The following XKR7 variants were observed in gnomAD, a reference collection of about 807,000 sequenced individuals.
XKR7 encodes XK-related protein 7.
A neutral mutation model predicts 42.2 loss-of-function variants in XKR7; 11 were observed. The ratio of observed to expected loss-of-function variants is 0.26; its 90% CI spans 0.16 to 0.43. The LOEUF is 0.43. Among genes scored for constraint, XKR7 ranks in the 20% least tolerant of loss-of-function variants. The probability of loss-of-function intolerance (pLI) is 1.00; values close to 1 mark genes in which losing one functional copy is unlikely to be tolerated. For synonymous variants in XKR7, 346 were observed against 366.4 expected (o/e 0.94, Z 0.64); for missense variants, 710 against 802.2 (o/e 0.89, Z 1.39).
chr20:31,977,827 G>C (rs976890772), intron 1 of XKR7, among the ~76,000 whole-genome samples: 2 of 152,192 alleles, frequency 1.3e-5, no homozygotes, highest in African/African-American at 4.8e-5. Context: ...CTGTTCCCGA[G>C]GGTGTGAACT....
At position 31,996,588 on chromosome 20, in the gene XKR7, A is replaced by C. The variant is rs1326343949; in HGVS notation, c.871A>C (p.Lys291Gln). The change falls in exon 3 of 3, where the codon AAG becomes CAG. Residue 291 changes from lysine (K) to glutamine (Q), a missense_variant. Lys to Gln is a moderately conservative substitution (Grantham distance 53). Around this residue, in one of 2 missense-constraint regions of XKR7, gnomAD observed 708 missense variants for 786.2 expected, o/e 0.90. Coordinates refer to ENST00000562532, the MANE Select transcript of XKR7 (RefSeq NM_001011718.2). The part of the protein sequence containing the change: ...QKVLRDSRDD[K>Q]RPLSYKGAVA... ...GGTGCTGCGGGACTCGCGGGACGAC[A>C]AGCGGCCGCTGTCCTACAAGGGCGC... is the stretch of plus-strand genomic sequence containing the variant. 1.3e-6 allele frequency: 2 copies of C among 1,545,506 alleles called. No homozygotes were observed. Among genetic ancestry groups the C allele is most frequent in the Admixed American group, 2.0e-5 (1 of 49,152 alleles).
chr20:31,997,514 T>G lies in XKR7; in HGVS notation c.*57T>G. The stretch of plus-strand genomic sequence containing the variant: ...TTGGCTGATCCCACATCCGCCGCAG[T>G]GTTGTGCCCCGAATTTCAGGGCCAC... On this transcript the variant is annotated 3_prime_UTR_variant, in exon 3 of 3. Transcript: ENST00000562532. The G allele has an allele frequency of 4.0e-6, 6 of 1,481,896 alleles. No homozygotes were observed. Among genetic ancestry groups the G allele is most frequent in the Non-Finnish European group, 5.4e-6 (6 of 1,107,174 alleles). The allele number at this position is 1,481,896 out of a possible 1,614,324, so 91.8% of individuals were successfully genotyped here.
Position 31,997,349 on chromosome 20 carries a change from C to T in XKR7, c.1632C>T (p.Leu544=). The T allele has an allele frequency of 6.2e-7, 1 of 1,605,764 alleles. No individual in the cohort carries two copies. The highest frequency in any genetic ancestry group is 8.5e-7 in the Non-Finnish European group (1 of 1,179,974). Residue 544 remains leucine (L), a synonymous_variant, in exon 3 of 3, where the codon CTC becomes CTT. Transcript: ENST00000562532. ...ATGCTCATTTTATTGACCGCCGGCT[C>T]CGGAAGACCATCCTGGCACTGGAGT... ...AWDAHFIDRR[L]RKTILALEYS...
At chr20:31,980,777 C>A (rs1172457066) in intron 1 of XKR7, among the ~76,000 whole-genome samples, 2 of 152,056 alleles carry the variant, frequency 1.3e-5, no homozygotes, top group Non-Finnish European at 2.9e-5. Flanking sequence ...AAGATAAAGA[C>A]CAGGCCGGGC....
At chr20:31,976,972 A>C (rs2064488171) in intron 1 of XKR7, among the ~76,000 whole-genome samples, 1 of 152,144 alleles carries the variant, frequency 6.6e-6, no homozygotes, top group Non-Finnish European at 1.5e-5. Flanking sequence ...AGCTCTAGTG[A>C]GGTCTATGGT....
chr20:31,975,329 C>T (rs2064480327), intron 1 of XKR7, among the ~76,000 whole-genome samples: 1 of 151,824 alleles, frequency 6.6e-6, no homozygotes, highest in Non-Finnish European at 1.5e-5. Flanking sequence ...GCCCTTTGCC[C>T]CCTGATCTTT....
chr20:31,996,467 CTAACCCAGCCCA>C, intron 2 of XKR7, 26 bp from the exon 3 acceptor site: 3 of 437,062 alleles, frequency 6.9e-6, no homozygotes, highest in East Asian at 3.4e-5. Flanking sequence ...GAGCCCGCCC[CTAACCCAGCCCA>C]CCCCGCCCCT....
At chr20:31,978,336 CTGGGCTCAAG>C (rs2064495309) in intron 1 of XKR7, among the ~76,000 whole-genome samples, 1 of 152,208 alleles carries the variant, frequency 6.6e-6, no homozygotes, top group Non-Finnish European at 1.5e-5. Flanking sequence ...TCTTGAACTC[CTGGGCTCAAG>C]TGTTCCTCCT....
At chr20:31,991,175 A>G (rs922498595) in intron 1 of XKR7, among the ~76,000 whole-genome samples, 1 of 152,002 alleles carries the variant, frequency 6.6e-6, no homozygotes, top group Admixed American at 6.5e-5. Flanking sequence ...TCTCATGCTG[A>G]CCCGGGCCCG....
chr20:31,968,659 G>A lies in XKR7; in HGVS notation c.484G>A (p.Ala162Thr). 2 of 1,575,810 alleles carry A rather than the reference G, an allele frequency of 1.3e-6. No homozygotes were observed. Among genetic ancestry groups the A allele is most frequent in the South Asian group, 2.3e-5 (2 of 88,484 alleles). Residue 162 changes from alanine (A) to threonine (T), a missense_variant, in exon 1 of 3, where the codon GCG becomes ACG. Around this residue, in one of 2 missense-constraint regions of XKR7, gnomAD observed 708 missense variants for 786.2 expected, o/e 0.90. Transcript: ENST00000562532. The surrounding 1 kb of genome is among the most constrained non-coding windows in gnomAD (Gnocchi z 4.5). ...EGSPEPGPQP[A>T]PSSASAYRRR... ...CAGCCCCGAGCCGGGTCCCCAGCCT[G>A]CGCCCTCCTCGGCCAGCGCCTACCG...
At chr20:31,982,907 C>G (rs1431607639) in intron 1 of XKR7, among the ~76,000 whole-genome samples, 2 of 152,184 alleles carry the variant, frequency 1.3e-5, no homozygotes, top group African/African-American at 4.8e-5. Context: ...ATCAAGTGCC[C>G]AACACTGAGC....
At chr20:31,984,418 A>T (rs772333237) in intron 1 of XKR7, among the ~76,000 whole-genome samples, 8 of 152,174 alleles carry the variant, frequency 5.3e-5, no homozygotes, top group Non-Finnish European at 8.8e-5. Context: ...CAGGGTGTTG[A>T]CACCAGGGTA....
At chr20:31,980,331 C>G (rs919679801) in intron 1 of XKR7, among the ~76,000 whole-genome samples, 1 of 152,164 alleles carries the variant, frequency 6.6e-6, no homozygotes, top group Non-Finnish European at 1.5e-5. Flanking sequence ...GAGCACTCAA[C>G]GTTAAGGGGT....
chr20:31,974,633 T>C (rs1381023943), intron 1 of XKR7, among the ~76,000 whole-genome samples: 2 of 151,340 alleles, frequency 1.3e-5, no homozygotes, highest in Non-Finnish European at 3.0e-5. Context: ...AATTAGACAT[T>C]GTTATTTGTA....
Position 31,968,729 on chromosome 20 carries a change from T to A in XKR7, c.554T>A (p.Val185Asp). Residue 185 changes from valine (V) to aspartate (D), a missense_variant, in exon 1 of 3, where the codon GTC becomes GAC. Coordinates refer to ENST00000562532, the MANE Select transcript of XKR7 (RefSeq NM_001011718.2). The surrounding 1 kb of genome is among the most constrained non-coding windows in gnomAD (Gnocchi z 4.5). The part of the protein sequence containing the change: ...RLCIWLLQTL[V>D]HLLQLGQVWR... ...TGCATCTGGCTGCTGCAGACCCTCG[T>A]CCACCTCCTGCAGCTCGGCCAGGTC... The A allele has an allele frequency of 6.4e-7, 1 of 1,550,470 alleles. No individual in the cohort carries two copies.
In XKR7 at chr20:31,982,618, T is replaced by C. The variant is rs73245448; in HGVS notation, c.585-12450T>C. On this transcript the variant is annotated intron_variant, in intron 1 of 2. Coordinates refer to ENST00000562532, the MANE Select transcript of XKR7 (RefSeq NM_001011718.2). ...ATCTGGAAAATGGAGATTATGTCCATGAACCTCACAGGACCACAGTGAAGA... is the reference window on the plus strand; with the variant it reads ...ATCTGGAAAATGGAGATTATGTCCACGAACCTCACAGGACCACAGTGAAGA... Among the ~76,000 whole-genome samples the C allele has an allele frequency of 6.9e-3, 1,053 of 152,090 alleles. 9 individuals are homozygous for C. Among genetic ancestry groups the C allele is most frequent in the African/African-American group, 0.024 (1,003 of 41,452 alleles).
chr20:31,978,302 G>T (rs2064495178), intron 1 of XKR7, among the ~76,000 whole-genome samples: 1 of 152,120 alleles, frequency 6.6e-6, no homozygotes, highest in African/African-American at 2.4e-5. Context: ...TAGGGGCAGG[G>T]TCTCACTATA....
Position 31,968,634 on chromosome 20 carries a change from C to G in XKR7, c.459C>G (p.Gly153=). 6.3e-7 allele frequency: 1 copy of G among 1,592,160 alleles called. No individual in the cohort carries two copies. Among genetic ancestry groups the G allele is most frequent in the Non-Finnish European group, 8.5e-7 (1 of 1,175,234 alleles). Reference sequence around the variant, plus strand: ...CCGGCGCCTTCCGGACCAAAGAAGGCAGCCCCGAGCCGGGTCCCCAGCCTG... The same window carrying G: ...CCGGCGCCTTCCGGACCAAAGAAGGGAGCCCCGAGCCGGGTCCCCAGCCTG... The part of the protein sequence containing the change: ...DSAGAFRTKE[G]SPEPGPQPAP... The change falls in exon 1 of 3, where the codon GGC becomes GGG. Residue 153 remains glycine (G), a synonymous_variant. Transcript: ENST00000562532. The surrounding 1 kb of genome is among the most constrained non-coding windows in gnomAD (Gnocchi z 4.5).
rs759844306 is a variant in XKR7, at chr20:31,996,806, C to A, written c.1089C>A (p.Val363=). The A allele has an allele frequency of 6.2e-7, 1 of 1,613,858 alleles. No homozygotes were observed. Among genetic ancestry groups the A allele is most frequent in the Non-Finnish European group, 8.5e-7 (1 of 1,179,976 alleles). The change falls in exon 3 of 3, where the codon GTC becomes GTA. Residue 363 remains valine, a synonymous_variant. Transcript: ENST00000562532. ...SKWEEIIYNM[V]VGIIYIFCWF... ...GGGAGGAGATCATCTACAACATGGT[C>A]GTGGGCATCATCTACATCTTCTGCT...
Sources: gnomAD v4.1 joint callset for allele counts (sites outside exome capture counted in the v4.1 genomes callset) on GRCh38, gnomAD v4.1.1 for gene constraint, gnomAD v4.1.1 regional missense constraint, Gnocchi (gnomAD v3.1) non-coding constraint, MANE v1.5 for transcripts, NCBI Gene and HGNC (gene_info 2026-07-23, HGNC 2026-07-21) for gene names.